Variants in ASCC3 observed in about 807,000 individuals in gnomAD.
ASCC3 encodes ASC-1 complex subunit P200.
ASCC3 carries 158 observed loss-of-function variants against 256.3 expected under a neutral mutation model. The observed-to-expected ratio is 0.62, with a 90% CI of 0.54 to 0.70. The LOEUF (loss-of-function observed/expected upper bound fraction) is 0.70, where lower values mean the gene tolerates loss of function less well. Among genes scored for constraint, ASCC3 ranks in the 30% least tolerant of loss-of-function variants. The probability of loss-of-function intolerance (pLI) is 0.00; values close to 1 mark genes in which losing one functional copy is unlikely to be tolerated. For missense variants in ASCC3, 2,259 were observed against 2,626.0 expected (o/e 0.86, Z 3.05); for synonymous variants, 948 against 883.4 (o/e 1.07, Z -1.30).
chr6:100,552,693 T>C (rs1439275929), intron 36 of ASCC3, among the ~76,000 whole-genome samples: 2 of 150,578 alleles, frequency 1.3e-5, no homozygotes, highest in African/African-American at 2.4e-5. Context: ...TGTGGAAAGA[T>C]AGAGAAAAAG....
chr6:100,734,249 CACTG>C (rs755939330), intron 10 of ASCC3, among the ~76,000 whole-genome samples: 3 of 152,104 alleles, frequency 2.0e-5, no homozygotes, highest in African/African-American at 4.8e-5. Context: ...TATTGGAAAA[CACTG>C]ACTGAAGATT....
chr6:100,830,645 G>C (rs1562328617), intron 4 of ASCC3, among the ~76,000 whole-genome samples: 1 of 151,952 alleles, frequency 6.6e-6, no homozygotes, highest in Non-Finnish European at 1.5e-5. Flanking sequence ...CTTTGTCTTT[G>C]TAAAAAAACA....
chr6:100,784,558 T>G (rs1215099185), intron 8 of ASCC3, among the ~76,000 whole-genome samples: 2 of 151,958 alleles, frequency 1.3e-5, no homozygotes, highest in African/African-American at 4.8e-5. Flanking sequence ...TCACGGTAGA[T>G]AAGAATGAAG....
chr6:100,703,655 T>G (rs1778446478), intron 13 of ASCC3, among the ~76,000 whole-genome samples: 1 of 151,948 alleles, frequency 6.6e-6, no homozygotes, highest in African/African-American at 2.4e-5. Context: ...TAGAAATTCC[T>G]TCTATGATGG....
intron 10 of ASCC3, among the ~76,000 whole-genome samples, chr6:100,746,906 A>G (rs1780705401): frequency 6.6e-6 from 1 of 152,146 alleles, no homozygotes; most frequent in African/African-American, 2.4e-5. Flanking sequence ...TTTGTTTTCA[A>G]TAGAGGTGTC....
intron 4 of ASCC3, 92 bp downstream of exon 4, chr6:100,848,056 G>GT: frequency 7.8e-7 from 1 of 1,279,626 alleles, no homozygotes; most frequent in Non-Finnish European, 1.1e-6. Context: ...GAACATTAAA[G>GT]AACTTTCTTT....
chr6:100,860,175 T>C (rs1307646203), intron 3 of ASCC3, among the ~76,000 whole-genome samples: 1 of 152,054 alleles, frequency 6.6e-6, no homozygotes, highest in Non-Finnish European at 1.5e-5. Context: ...TTAAAAAGTT[T>C]ATACTTAGAG....
chr6:100,584,905 G>A (rs1371736483), intron 36 of ASCC3, among the ~76,000 whole-genome samples: 1 of 152,010 alleles, frequency 6.6e-6, no homozygotes, highest in Non-Finnish European at 1.5e-5. Flanking sequence ...TTGAATATTG[G>A]CCCCCACTCT....
At chr6:100,562,891 TCTC>T (rs1770029711) in intron 36 of ASCC3, among the ~76,000 whole-genome samples, 1 of 152,110 alleles carries the variant, frequency 6.6e-6, no homozygotes, top group African/African-American at 2.4e-5. Flanking sequence ...CTTACAGTGT[TCTC>T]ATCATCAGTA....
chr6:100,790,515 T>C (rs1476639402), intron 8 of ASCC3, among the ~76,000 whole-genome samples: 1 of 152,000 alleles, frequency 6.6e-6, no homozygotes, highest in African/African-American at 2.4e-5. Flanking sequence ...AACCTGTAAA[T>C]ATCAAATATT....
chr6:100,755,366 C>CTTTTT (rs56147910), intron 10 of ASCC3, among the ~76,000 whole-genome samples: 1 of 149,064 alleles, frequency 6.7e-6, no homozygotes, highest in Non-Finnish European at 1.5e-5. Flanking sequence ...TGTGCTTCCT[C>CTTTTT]TTTTTTTTTT....
intron 30 of ASCC3, among the ~76,000 whole-genome samples, chr6:100,611,384 T>C (rs1254684008): frequency 2.6e-5 from 4 of 152,102 alleles, no homozygotes; most frequent in African/African-American, 4.8e-5. Context: ...AATCTAATTT[T>C]TTGGATTATA....
At chr6:100,618,348 G>A (rs1021693025) in intron 30 of ASCC3, among the ~76,000 whole-genome samples, 12 of 152,188 alleles carry the variant, frequency 7.9e-5, no homozygotes, top group African/African-American at 2.9e-4. Flanking sequence ...AGGACAGAAA[G>A]GCACAAGTTT....
chr6:100,773,698 C>A (rs928031328), intron 8 of ASCC3, among the ~76,000 whole-genome samples: 1 of 152,026 alleles, frequency 6.6e-6, no homozygotes, highest in Non-Finnish European at 1.5e-5. Context: ...TTTTATTACT[C>A]TTTGTATTAC....
At chr6:100,778,056 C>T (rs986585048) in intron 8 of ASCC3, among the ~76,000 whole-genome samples, 15 of 150,350 alleles carry the variant, frequency 1.0e-4, no homozygotes, top group African/African-American at 3.4e-4. Context: ...GCTATCTCTT[C>T]GAGGTACAGC....
chr6:100,786,553 G>A (rs927683942), intron 8 of ASCC3, among the ~76,000 whole-genome samples: 1 of 152,070 alleles, frequency 6.6e-6, no homozygotes, highest in Non-Finnish European at 1.5e-5. Context: ...CAAAGACTTT[G>A]AGCAAACTAG....
At chr6:100,778,360 C>T (rs1015556008) in intron 8 of ASCC3, among the ~76,000 whole-genome samples, 1 of 151,844 alleles carries the variant, frequency 6.6e-6, no homozygotes, top group Non-Finnish European at 1.5e-5. Flanking sequence ...TAGCAGCAGA[C>T]TCAAATTTCA....
At chr6:100,580,863 G>A (rs1771196960) in intron 36 of ASCC3, among the ~76,000 whole-genome samples, 1 of 151,608 alleles carries the variant, frequency 6.6e-6, no homozygotes, top group African/African-American at 2.4e-5. Flanking sequence ...ATAGTTTACT[G>A]AGAATGATGA....
intron 4 of ASCC3, among the ~76,000 whole-genome samples, chr6:100,832,564 A>T (rs903673912): frequency 2.0e-5 from 3 of 152,094 alleles, no homozygotes; most frequent in African/African-American, 4.8e-5. Flanking sequence ...CAAATGAATA[A>T]ATCATTTTTA....
Sources: gnomAD v4.1 joint callset for allele counts (sites outside exome capture counted in the v4.1 genomes callset) on GRCh38, gnomAD v4.1.1 for gene constraint, MANE v1.5 for transcripts, NCBI Gene and HGNC (gene_info 2026-07-23, HGNC 2026-07-21) for gene names.